The following TOX2 variants were observed in gnomAD, a reference collection of about 807,000 sequenced individuals.
The protein encoded by TOX2 is granulosa cell HMG box 1.
A neutral mutation model predicts 47.4 loss-of-function variants in TOX2; 15 were observed. The ratio of observed to expected loss-of-function variants is 0.32; its 90% CI spans 0.21 to 0.49. TOX2 has a LOEUF of 0.49. Ranked by LOEUF, TOX2 falls within the 20% of genes least tolerant of loss-of-function variation. The pLI is 0.99. For missense variants in TOX2, 622 were observed against 673.1 expected, an observed-to-expected ratio of 0.92 and a Z score of 0.84; for synonymous variants, 290 against 296.6, an observed-to-expected ratio of 0.98 and a Z score of 0.23.
chr20:43,978,481 C>CTTATTATTA (rs3037473), intron 2 of TOX2, among the ~76,000 whole-genome samples: 10 of 151,990 alleles, frequency 6.6e-5, no homozygotes, highest in African/African-American at 2.4e-4. Context: ...CTAGCTATGA[C>CTTATTATTA]TTATTATTTT....
intron 8 of TOX2, among the ~76,000 whole-genome samples, chr20:44,067,880 A>C (rs1373469416): frequency 6.6e-6 from 1 of 152,186 alleles, no homozygotes; most frequent in Non-Finnish European, 1.5e-5. Flanking sequence ...TGTCCCAGCG[A>C]TAGCGCCACA....
At chr20:43,959,653 C>G (rs2069724861) in intron 1 of TOX2, among the ~76,000 whole-genome samples, 1 of 152,322 alleles carries the variant, frequency 6.6e-6, no homozygotes, top group African/African-American at 2.4e-5. Flanking sequence ...AAAATATCTT[C>G]CACATCATCT....
intron 2 of TOX2, among the ~76,000 whole-genome samples, chr20:43,985,000 T>C (rs2070240053): frequency 6.6e-6 from 1 of 152,144 alleles, no homozygotes; most frequent in Admixed American, 6.5e-5. Flanking sequence ...TATACATTGT[T>C]CATTGCTGTG....
At chr20:43,979,790 T>C (rs1407606915) in intron 2 of TOX2, among the ~76,000 whole-genome samples, 18 of 152,146 alleles carry the variant, frequency 1.2e-4, no homozygotes, top group Admixed American at 1.2e-3. Flanking sequence ...TCAATATCAC[T>C]GACAATCAGA....
intron 1 of TOX2, among the ~76,000 whole-genome samples, chr20:43,936,378 G>T (rs2069327564): frequency 6.6e-6 from 1 of 152,214 alleles, no homozygotes; most frequent in South Asian, 2.1e-4. Flanking sequence ...GTTGTGTATT[G>T]CTTCACAGTA....
At chr20:43,937,779 G>A (rs1261611187) in intron 1 of TOX2, among the ~76,000 whole-genome samples, 1 of 152,160 alleles carries the variant, frequency 6.6e-6, no homozygotes, top group Non-Finnish European at 1.5e-5. Context: ...AGTCCCATAA[G>A]CAGCCTTTGA....
chr20:44,022,068 G>A (rs951532602), intron 3 of TOX2, among the ~76,000 whole-genome samples: 2 of 152,198 alleles, frequency 1.3e-5, no homozygotes, highest in African/African-American at 2.4e-5. Flanking sequence ...CCACACATGC[G>A]TCCACAGCAC....
intron 3 of TOX2, among the ~76,000 whole-genome samples, chr20:44,018,010 G>T (rs1177599328): frequency 6.6e-6 from 1 of 152,186 alleles, no homozygotes; most frequent in Non-Finnish European, 1.5e-5. Flanking sequence ...TCAACATGAA[G>T]TGTGAGGCAC....
chr20:44,018,427 C>T (rs1289718397), intron 3 of TOX2, among the ~76,000 whole-genome samples: 12 of 152,178 alleles, frequency 7.9e-5, no homozygotes, highest in African/African-American at 2.9e-4. Context: ...CATTCGTCAG[C>T]TGCAGCCTCG....
At chr20:43,947,470 AGGGCGTGGCTCACAACG>A (rs1433045891) in intron 1 of TOX2, among the ~76,000 whole-genome samples, 1 of 152,168 alleles carries the variant, frequency 6.6e-6, no homozygotes, top group Non-Finnish European at 1.5e-5. Context: ...GCTCATGAGG[AGGGCGTGGCTCACAACG>A]GCATGTGTTT....
intron 3 of TOX2, among the ~76,000 whole-genome samples, chr20:44,048,388 T>TATA (rs1555845974): frequency 3.5e-5 from 3 of 86,870 alleles, no homozygotes; most frequent in Admixed American, 1.2e-4. Flanking sequence ...TAAAATGAAT[T>TATA]TATATATATA....
intron 2 of TOX2, among the ~76,000 whole-genome samples, chr20:43,987,699 T>C (rs1203258757): frequency 1.3e-5 from 2 of 152,094 alleles, no homozygotes; most frequent in Non-Finnish European, 2.9e-5. Context: ...GCGAGCCTTT[T>C]ACCGCTTGAA....
At chr20:44,036,036 C>G (rs2071233366) in intron 3 of TOX2, among the ~76,000 whole-genome samples, 1 of 152,220 alleles carries the variant, frequency 6.6e-6, no homozygotes, top group Non-Finnish European at 1.5e-5. Flanking sequence ...TAGACCACCC[C>G]TTGGAAGGGC....
At chr20:44,020,518 C>T (rs867287656) in intron 3 of TOX2, among the ~76,000 whole-genome samples, 12 of 152,296 alleles carry the variant, frequency 7.9e-5, no homozygotes, top group South Asian at 4.1e-4. Flanking sequence ...AAGGGCAGTT[C>T]TCGAGAAAGG....
At chr20:43,920,979 C>T (rs1239055855) in intron 1 of TOX2, among the ~76,000 whole-genome samples, 1 of 152,156 alleles carries the variant, frequency 6.6e-6, no homozygotes, top group Non-Finnish European at 1.5e-5. Flanking sequence ...CAAATATTTG[C>T]TGAATGAATG....
chr20:44,029,215 C>T (rs1202488174), intron 3 of TOX2, among the ~76,000 whole-genome samples: 1 of 152,230 alleles, frequency 6.6e-6, no homozygotes, highest in Non-Finnish European at 1.5e-5. Flanking sequence ...CAGTGGTTCC[C>T]TCTCAATTCT....
In TOX2 at chr20:44,068,384, C is replaced by T. The variant is rs918726396; in HGVS notation, c.1485-266C>T. On this transcript the variant is annotated intron_variant, in intron 8 of 8. Transcript: ENST00000341197. ...TGAGAGCAATGGTGACATCGGCGTG[C>T]GCCTCGATGAAAGACAGACACGCTA... Among the ~76,000 whole-genome samples, 11 of 152,040 alleles carry T rather than the reference C, an allele frequency of 7.2e-5. No individual in the cohort carries two copies. The East Asian group carries it at 1.5e-3, about 21-fold the overall frequency.
intron 2 of TOX2, among the ~76,000 whole-genome samples, chr20:43,976,023 T>TA (rs2070072214): frequency 6.6e-6 from 1 of 152,258 alleles, no homozygotes; most frequent in African/African-American, 2.4e-5. Flanking sequence ...CTTAGGACTT[T>TA]ATGAAGAAGA....
chr20:43,948,801 G>A (rs974926169), intron 1 of TOX2, among the ~76,000 whole-genome samples: 20 of 152,340 alleles, frequency 1.3e-4, no homozygotes, highest in African/African-American at 4.1e-4. Context: ...CCTGGGCCTG[G>A]GGAGCCATTT....
Sources: allele counts gnomAD v4.1 joint callset (sites outside exome capture counted in the v4.1 genomes callset), GRCh38; gene constraint gnomAD v4.1.1; transcripts MANE v1.5; gene names NCBI Gene and HGNC (gene_info 2026-07-23, HGNC 2026-07-21).